The following ADGRL3 variants were observed in gnomAD, a reference collection of about 807,000 sequenced individuals.
ADGRL3 encodes calcium-independent alpha-latrotoxin receptor 3.
Under a neutral mutation model 153.5 loss-of-function variants are expected in ADGRL3, and 62 were observed. The observed-to-expected ratio is 0.40, with a 90% CI of 0.33 to 0.50. ADGRL3 has a LOEUF of 0.50. Ranked by LOEUF, ADGRL3 falls within the 20% of genes least tolerant of loss-of-function variation. The pLI, the probability that ADGRL3 is intolerant of heterozygous loss-of-function variation, is 0.47. For missense variants in ADGRL3, 1,641 were observed against 1,859.4 expected (o/e 0.88, Z 2.16); for synonymous variants, 710 against 672.5 (o/e 1.06, Z -0.86).
chr4:61,607,264 C>G (rs1017634360), intron 5 of ADGRL3, among the ~76,000 whole-genome samples: 1 of 151,922 alleles, frequency 6.6e-6, no homozygotes, highest in Admixed American at 6.6e-5. Flanking sequence ...GTGGGTGGAG[C>G]CAGTCGGTTG....
rs371850048 is a variant in ADGRL3, at chr4:61,257,992, G to T, written c.-240+56227G>T. The stretch of plus-strand genomic sequence containing the variant: ...CAGAAGTGGTGTCTGAGTACATACA[G>T]GTTAGGAATCCCCAAGGTCTGTCTT... On this transcript the variant is annotated intron_variant, in intron 1 of 26. Transcript: ENST00000683033. 7.9e-5 allele frequency among the ~76,000 whole-genome samples: 12 copies of T among 152,228 alleles called. No individual in the cohort carries two copies. The South Asian group carries it at 2.5e-3, about 32-fold the overall frequency.
chr4:61,205,482 T>C (rs375031360), intron 1 of ADGRL3, among the ~76,000 whole-genome samples: 1 of 152,202 alleles, frequency 6.6e-6, no homozygotes, highest in South Asian at 2.1e-4. Flanking sequence ...TTTCCTAGAT[T>C]TGCATTATAT....
intron 17 of ADGRL3, among the ~76,000 whole-genome samples, 164 bp from the exon 18 acceptor site, chr4:61,979,399 T>C (rs971387480): frequency 2.0e-5 from 3 of 152,196 alleles, no homozygotes; most frequent in Non-Finnish European, 4.4e-5. Flanking sequence ...AAATGCTTTA[T>C]CTGTGGAAGA....
chr4:61,689,243 A>G (rs907838973), intron 6 of ADGRL3, among the ~76,000 whole-genome samples: 4 of 152,028 alleles, frequency 2.6e-5, no homozygotes, highest in African/African-American at 9.7e-5. Context: ...CTCTCCTCAT[A>G]TATAACAAGC....
At chr4:61,776,161 A>G (rs1422256081) in intron 8 of ADGRL3, among the ~76,000 whole-genome samples, 1 of 152,062 alleles carries the variant, frequency 6.6e-6, no homozygotes, top group Non-Finnish European at 1.5e-5. Context: ...CGGCCTCCCA[A>G]AGTGCTGGGA....
intron 1 of ADGRL3, among the ~76,000 whole-genome samples, chr4:61,278,362 AACAAATT>A (rs2093577463): frequency 6.6e-6 from 1 of 152,210 alleles, no homozygotes; most frequent in Admixed American, 6.5e-5. Context: ...ATGAGCTAGT[AACAAATT>A]GAATTTTAGC....
chr4:61,568,464 A>G (rs896495177), intron 4 of ADGRL3, among the ~76,000 whole-genome samples: 3 of 152,158 alleles, frequency 2.0e-5, no homozygotes, highest in Non-Finnish European at 4.4e-5. Context: ...TATGGTACAG[A>G]AACTATGCTT....
At chr4:61,452,928 T>C (rs1322224677) in intron 2 of ADGRL3, among the ~76,000 whole-genome samples, 1 of 152,162 alleles carries the variant, frequency 6.6e-6, no homozygotes, top group African/African-American at 2.4e-5. Flanking sequence ...AGTTAGGAAA[T>C]ACTCATATTA....
At chr4:61,354,597 T>TGCGC (rs762004972) in intron 1 of ADGRL3, among the ~76,000 whole-genome samples, 1 of 151,726 alleles carries the variant, frequency 6.6e-6, no homozygotes, top group African/African-American at 2.4e-5. Context: ...TGTGTGTGTG[T>TGCGC]GTGCGCTTTA....
intron 4 of ADGRL3, among the ~76,000 whole-genome samples, chr4:61,584,749 G>A (rs2098939625): frequency 6.6e-6 from 1 of 151,868 alleles, no homozygotes; most frequent in Non-Finnish European, 1.5e-5. Flanking sequence ...AGGGAATTCT[G>A]ATATTAAGGA....
intron 1 of ADGRL3, among the ~76,000 whole-genome samples, chr4:61,288,341 T>C (rs1417029716): frequency 6.6e-6 from 1 of 150,868 alleles, no homozygotes; most frequent in Admixed American, 6.7e-5. Context: ...ACTTCCAAAG[T>C]GGTCCCTGTG....
intron 2 of ADGRL3, among the ~76,000 whole-genome samples, chr4:61,488,307 G>C (rs1256148781): frequency 2.6e-5 from 4 of 151,906 alleles, no homozygotes; most frequent in Non-Finnish European, 5.9e-5. Context: ...ATAATTATAA[G>C]GGGAAGTGCC....
At chr4:61,812,524 A>G (rs2097641916) in intron 8 of ADGRL3, among the ~76,000 whole-genome samples, 2 of 152,222 alleles carry the variant, frequency 1.3e-5, no homozygotes, top group Non-Finnish European at 2.9e-5. Flanking sequence ...GTAAATTGCT[A>G]TAGTAAATGT....
At chr4:61,272,106 C>T (rs1387833515) in intron 1 of ADGRL3, among the ~76,000 whole-genome samples, 2 of 147,908 alleles carry the variant, frequency 1.4e-5, no homozygotes, top group Non-Finnish European at 3.0e-5. Flanking sequence ...TACTTAGAAT[C>T]CCTGATTTCT....
intron 5 of ADGRL3, among the ~76,000 whole-genome samples, chr4:61,637,010 T>C (rs1281607517): frequency 1.3e-5 from 2 of 152,154 alleles, no homozygotes; most frequent in Non-Finnish European, 2.9e-5. Flanking sequence ...GGACTATTTT[T>C]TGAAAGTAGA....
chr4:61,680,372 T>C (rs538600569), intron 6 of ADGRL3, among the ~76,000 whole-genome samples: 2 of 151,400 alleles, frequency 1.3e-5, no homozygotes, highest in African/African-American at 4.9e-5. Context: ...TATTGATGTG[T>C]AGAAGAAACT....
chr4:61,488,230 A>G (rs145148790), intron 2 of ADGRL3, among the ~76,000 whole-genome samples: 1 of 152,050 alleles, frequency 6.6e-6, no homozygotes, highest in Non-Finnish European at 1.5e-5. Flanking sequence ...ATGCTAGAAA[A>G]GTTTCCTATT....
intron 5 of ADGRL3, among the ~76,000 whole-genome samples, chr4:61,646,062 T>C (rs1159470586): frequency 6.6e-6 from 1 of 152,210 alleles, no homozygotes; most frequent in Non-Finnish European, 1.5e-5. Flanking sequence ...ATACCCTTTC[T>C]CCAGTTGATG....
intron 1 of ADGRL3, among the ~76,000 whole-genome samples, chr4:61,305,615 GTATC>G (rs1157803761): frequency 6.6e-6 from 1 of 152,118 alleles, no homozygotes; most frequent in Non-Finnish European, 1.5e-5. Flanking sequence ...GAGAAGTAGA[GTATC>G]TATGTTATTG....
Sources: allele counts gnomAD v4.1 joint callset (sites outside exome capture counted in the v4.1 genomes callset), GRCh38; gene constraint gnomAD v4.1.1; transcripts MANE v1.5; gene names NCBI Gene and HGNC (gene_info 2026-07-23, HGNC 2026-07-21).